EFCAB11: variants seen among roughly 807,000 people sequenced by gnomAD.
The protein encoded by EFCAB11 is EF-hand calcium-binding domain-containing protein 11.
In EFCAB11, 14 loss-of-function variants were observed where a neutral mutation model predicts 23.0. That is an observed-to-expected ratio of 0.61 (90% CI 0.40 to 0.95). The LOEUF is 0.95. Ranked by LOEUF, EFCAB11 falls within the 40% of genes least tolerant of loss-of-function variation. EFCAB11 has a pLI of 0.00. For missense variants in EFCAB11, 198 were observed against 195.8 expected (o/e 1.01, Z -0.07); for synonymous variants, 65 against 66.6 (o/e 0.98, Z 0.11).
intron 5 of EFCAB11, among the ~76,000 whole-genome samples, chr14:89,833,416 A>G (rs1398508348): frequency 2.0e-5 from 3 of 152,234 alleles, no homozygotes; most frequent in Non-Finnish European, 2.9e-5. Context: ...TATATTACAT[A>G]ATATCCACTC....
intron 2 of EFCAB11, among the ~76,000 whole-genome samples, chr14:89,950,763 T>C (rs892693994): frequency 2.0e-5 from 3 of 152,174 alleles, no homozygotes; most frequent in Non-Finnish European, 2.9e-5. Context: ...ATAAACGTTA[T>C]AGTATTAGAG....
At chr14:89,944,119 T>A (rs1175849141) in intron 3 of EFCAB11, among the ~76,000 whole-genome samples, 1 of 152,222 alleles carries the variant, frequency 6.6e-6, no homozygotes, top group Admixed American at 6.5e-5. Flanking sequence ...CTGATAAAGA[T>A]GAGACTGGAC....
intron 5 of EFCAB11, among the ~76,000 whole-genome samples, chr14:89,909,319 T>C (rs1181138155): frequency 6.6e-6 from 1 of 152,230 alleles, no homozygotes; most frequent in East Asian, 1.9e-4. Context: ...GACTCACGCC[T>C]GTAATCCCAG....
At chr14:89,850,717 T>C (rs192864434) in intron 5 of EFCAB11, among the ~76,000 whole-genome samples, 72 of 152,346 alleles carry the variant, frequency 4.7e-4, no homozygotes, top group East Asian at 7.7e-4. Flanking sequence ...CTTGTCAAAA[T>C]GTCCAGTGAA....
At chr14:89,854,093 C>T (rs986507860) in intron 5 of EFCAB11, among the ~76,000 whole-genome samples, 4 of 151,624 alleles carry the variant, frequency 2.6e-5, no homozygotes, top group African/African-American at 9.7e-5. Context: ...AGAGAGGTCT[C>T]ATTACAACCA....
intron 5 of EFCAB11, among the ~76,000 whole-genome samples, chr14:89,851,223 C>A (rs1020687688): frequency 1.3e-5 from 2 of 152,206 alleles, no homozygotes; most frequent in Non-Finnish European, 2.9e-5. Flanking sequence ...ATATAGGCAG[C>A]CTTTGTACAT....
At chr14:89,892,220 G>T (rs539069126) in intron 5 of EFCAB11, 1 of 1,605,874 alleles carries the variant, frequency 6.2e-7, no homozygotes, top group African/African-American at 1.3e-5. Context: ...CCAGGAGGCC[G>T]AGGAGCTAGC....
chr14:89,846,474 G>A (rs1460135359), intron 5 of EFCAB11, among the ~76,000 whole-genome samples: 1 of 152,192 alleles, frequency 6.6e-6, no homozygotes, highest in African/African-American at 2.4e-5. Context: ...GGATACCAGT[G>A]CAAAGAGCTT....
intron 5 of EFCAB11, chr14:89,892,365 G>A (rs1311541642): frequency 1.9e-5 from 30 of 1,611,614 alleles, no homozygotes; most frequent in Non-Finnish European, 2.4e-5. Flanking sequence ...GAGGGCTTGG[G>A]GGGTGTCCGG....
chr14:89,854,302 A>G (rs7154987), intron 5 of EFCAB11, among the ~76,000 whole-genome samples: 135,388 of 152,004 alleles, frequency 0.89, 60,551 homozygotes, highest in African/African-American at 0.96. Flanking sequence ...CCATGTAATG[A>G]CCCATAGGAG....
At chr14:89,914,104 A>G (rs1252498254) in intron 5 of EFCAB11, among the ~76,000 whole-genome samples, 3 of 152,262 alleles carry the variant, frequency 2.0e-5, no homozygotes, top group African/African-American at 7.2e-5. Context: ...ATTCAGATCA[A>G]CATGGAAACA....
intron 5 of EFCAB11, among the ~76,000 whole-genome samples, chr14:89,800,822 C>A (rs919981604): frequency 6.6e-6 from 1 of 151,998 alleles, no homozygotes; most frequent in African/African-American, 2.4e-5. Context: ...GTGGGTGGAT[C>A]ACTTGAGGTC....
intron 5 of EFCAB11, among the ~76,000 whole-genome samples, chr14:89,925,425 G>A (rs184190999): frequency 6.6e-6 from 1 of 152,226 alleles, no homozygotes; most frequent in East Asian, 1.9e-4. Context: ...GAGGAAAGAT[G>A]TTTCTTACTT....
At chr14:89,950,253 G>GCTTGGTTCAACAGAC in intron 2 of EFCAB11, 111 bp from the exon 3 acceptor site, 2 of 1,144,718 alleles carry the variant, frequency 1.7e-6, no homozygotes, top group Non-Finnish European at 2.4e-6. Context: ...AACCAAGTCT[G>GCTTGGTTCAACAGAC]TTGAACCAAG....
In EFCAB11 at chr14:89,808,633, G is replaced by A. The variant is rs189394392; in HGVS notation, c.411-11309C>T. 2.0e-5 allele frequency among the ~76,000 whole-genome samples: 3 copies of A among 152,228 alleles called. No homozygotes were observed. The East Asian group carries it at 5.8e-4, about 29-fold the overall frequency. On this transcript the variant is annotated intron_variant, in intron 5 of 5. Transcript: ENST00000316738. ...TTATTTATGTTTTCATTTACAACAT[G>A]CTCCTAGCATTTAAAACCTCTGGGT... is the stretch of plus-strand genomic sequence containing the variant.
intron 5 of EFCAB11, chr14:89,836,355 T>C: frequency 2.9e-6 from 1 of 341,506 alleles, no homozygotes; most frequent in South Asian, 2.3e-5. Flanking sequence ...CATTACCTTT[T>C]AGACCACATT....
At chr14:89,941,277 C>T (rs771818045) in intron 3 of EFCAB11, among the ~76,000 whole-genome samples, 2 of 152,174 alleles carry the variant, frequency 1.3e-5, no homozygotes, top group Non-Finnish European at 2.9e-5. Flanking sequence ...GAAATTAATG[C>T]CTAACAACTA....
chr14:89,796,879 C>A lies in EFCAB11; in HGVS notation c.*364G>T. 1.1e-5 allele frequency: 2 copies of A among 177,804 alleles called. No homozygotes were observed. The highest frequency in any genetic ancestry group is 2.4e-5 in the Non-Finnish European group (2 of 83,146). 11.0% of individuals were successfully genotyped at this position (177,804 alleles called of 1,614,324 possible). On this transcript the variant is annotated 3_prime_UTR_variant, in exon 6 of 6. Coordinates refer to ENST00000316738, the MANE Select transcript of EFCAB11 (RefSeq NM_145231.4). ...CAAGAAGAGTGAGGAGGAGGAGGAC[C>A]ACCAGTGCCATCCCTAGCCCCAGCT...
intron 5 of EFCAB11, among the ~76,000 whole-genome samples, chr14:89,885,758 GGAAA>G (rs55818706): frequency 0.86 from 127,430 of 147,840 alleles, 55,106 homozygotes; most frequent in Non-Finnish European, 0.9. Context: ...AGGAAAGAAA[GGAAA>G]GAAAGAAAGA....
Sources: allele counts gnomAD v4.1 joint callset (sites outside exome capture counted in the v4.1 genomes callset), GRCh38; gene constraint gnomAD v4.1.1; transcripts MANE v1.5; gene names NCBI Gene and HGNC (gene_info 2026-07-23, HGNC 2026-07-21).